Variants in ZNF713 observed in about 807,000 individuals in gnomAD.
The protein encoded by ZNF713 is zinc finger protein 713.
Under a neutral mutation model 28.7 loss-of-function variants are expected in ZNF713, and 21 were observed. The ratio of observed to expected loss-of-function variants is 0.73; its 90% confidence interval spans 0.52 to 1.05. The LOEUF (loss-of-function observed/expected upper bound fraction) is 1.05. ZNF713 is among the 50% of genes least tolerant of loss of function. The pLI is 0.00. For missense variants in ZNF713, 458 were observed against 532.4 expected (o/e 0.86, Z 1.37); for synonymous variants, 167 against 178.0 (o/e 0.94, Z 0.49).
At chr7:55,925,431 G>A (rs1584314461) in intron 6 of ZNF713, among the ~76,000 whole-genome samples, 1 of 152,168 alleles carries the variant, frequency 6.6e-6, no homozygotes. Context: ...GACCATCCTG[G>A]CCAACATGGT....
intron 4 of ZNF713, 113 bp from the exon 5 acceptor site, chr7:55,923,049 G>A: frequency 1.6e-6 from 2 of 1,223,518 alleles, no homozygotes; most frequent in South Asian, 5.5e-5. Context: ...TCAGAGTCCT[G>A]AAGACTATCA....
At chr7:55,921,187 G>GAA (rs547380960) in intron 4 of ZNF713, among the ~76,000 whole-genome samples, 1 of 144,324 alleles carries the variant, frequency 6.9e-6, no homozygotes, top group Non-Finnish European at 1.5e-5. Context: ...CACTGCTCAG[G>GAA]AAAAAAAAAA....
At chr7:55,904,753 G>T (rs1382860346) in intron 1 of ZNF713, among the ~76,000 whole-genome samples, 5 of 151,994 alleles carry the variant, frequency 3.3e-5, no homozygotes, top group African/African-American at 1.2e-4. Context: ...TTTTGAGACG[G>T]TCTCACTCTG....
intron 6 of ZNF713, among the ~76,000 whole-genome samples, chr7:55,925,972 C>T (rs1047914806): frequency 2.6e-5 from 4 of 152,068 alleles, no homozygotes; most frequent in African/African-American, 4.8e-5. Context: ...CCTATTGTGT[C>T]CCTCTACACA....
intron 4 of ZNF713, among the ~76,000 whole-genome samples, chr7:55,919,311 C>G (rs1562743400): frequency 6.6e-6 from 1 of 152,088 alleles, no homozygotes; most frequent in Non-Finnish European, 1.5e-5. Flanking sequence ...TCAGAAGGAT[C>G]CAGGGCAATG....
chr7:55,916,246 C>T (rs1312436583), intron 4 of ZNF713, among the ~76,000 whole-genome samples: 2 of 152,220 alleles, frequency 1.3e-5, no homozygotes, highest in African/African-American at 4.8e-5. Flanking sequence ...TGTTACCTGT[C>T]GAATTTCATC....
intron 6 of ZNF713, among the ~76,000 whole-genome samples, chr7:55,931,155 G>A (rs1473949482): frequency 2.6e-5 from 4 of 151,920 alleles, no homozygotes; most frequent in South Asian, 2.1e-4. Flanking sequence ...GCATGGTGGC[G>A]GGCGCCTGTA....
intron 4 of ZNF713, among the ~76,000 whole-genome samples, chr7:55,913,531 G>A (rs778253125): frequency 5.3e-5 from 8 of 151,990 alleles, no homozygotes; most frequent in African/African-American, 9.7e-5. Context: ...AATCTGATTC[G>A]GTATTATGTA....
chr7:55,900,776 A>C (rs112487572), intron 1 of ZNF713, among the ~76,000 whole-genome samples: 6,198 of 152,294 alleles, frequency 0.041, 155 homozygotes, highest in Admixed American at 0.059. Context: ...GATCTATTAC[A>C]CAGAATGATG....
intron 5 of ZNF713, 36 bp downstream of exon 5, chr7:55,923,324 C>CCGGTTTATAAATAA (rs1279240564): frequency 6.3e-7 from 1 of 1,581,778 alleles, no homozygotes; most frequent in Admixed American, 1.9e-5. Flanking sequence ...GGAAGCCGTT[C>CCGGTTTATAAATAA]ACGTGGGTTT....
At chr7:55,923,569 G>A (rs1232014847) in intron 5 of ZNF713, 38 bp from the exon 6 acceptor site, 1 of 1,531,086 alleles carries the variant, frequency 6.5e-7, no homozygotes, top group South Asian at 1.2e-5. Flanking sequence ...TTTGTTCCCA[G>A]TACAAACTCC....
chr7:55,897,021 T>A lies in ZNF713; in HGVS notation c.-582-9232T>A, dbSNP rs1229624672. Among the ~76,000 whole-genome samples the A allele has an allele frequency of 5.3e-5, 8 of 152,088 alleles. 1 individual carries two copies. Among genetic ancestry groups the A allele is most frequent in the Non-Finnish European group, 1.2e-4 (8 of 68,016 alleles). On this transcript the variant is annotated intron_variant, in intron 1 of 6. Coordinates refer to ENST00000429591, the MANE Select transcript of ZNF713 (RefSeq NM_182633.3). ...ACTCATAGAATAAAATAAGTATCCA[T>A]GAGTCTCTATAGATATAAGCAAATA...
chr7:55,900,955 G>A (rs1033786416), intron 1 of ZNF713, among the ~76,000 whole-genome samples: 5 of 152,264 alleles, frequency 3.3e-5, no homozygotes, highest in African/African-American at 7.2e-5. Context: ...ACAGGCATGA[G>A]CCACTGCGTC....
chr7:55,893,262 T>TA (rs1202549886), intron 1 of ZNF713, among the ~76,000 whole-genome samples: 1 of 152,118 alleles, frequency 6.6e-6, no homozygotes, highest in Non-Finnish European at 1.5e-5. Flanking sequence ...AACATAAACA[T>TA]ACAGTTTATG....
At chr7:55,920,455 C>T (rs1177810559) in intron 4 of ZNF713, among the ~76,000 whole-genome samples, 1 of 152,218 alleles carries the variant, frequency 6.6e-6, no homozygotes, top group Admixed American at 6.5e-5. Context: ...TCAAACCAGC[C>T]ACAACATTCC....
chr7:55,919,379 T>G lies in ZNF713; in HGVS notation c.88-3783T>G, dbSNP rs537832294. Among the ~76,000 whole-genome samples the G allele has an allele frequency of 2.0e-5, 3 of 151,822 alleles. No individual in the cohort carries two copies. The South Asian group carries it at 6.3e-4, about 32-fold the overall frequency. ...GTTTCTAAGAATGGTTAAGGTGATG[T>G]GCCAATGCAGTCTCACAGGGAACCC... On this transcript the variant is annotated intron_variant, in intron 4 of 6. Coordinates refer to ENST00000429591, the MANE Select transcript of ZNF713 (RefSeq NM_182633.3).
At chr7:55,909,173 T>C (rs1785738718) in intron 2 of ZNF713, among the ~76,000 whole-genome samples, 1 of 130,530 alleles carries the variant, frequency 7.7e-6, no homozygotes, top group African/African-American at 3.0e-5. Flanking sequence ...CACTCCAGCC[T>C]GGTCAACAGA....
chr7:55,907,167 G>C (rs1785694698), intron 2 of ZNF713, among the ~76,000 whole-genome samples: 1 of 152,138 alleles, frequency 6.6e-6, no homozygotes, highest in Non-Finnish European at 1.5e-5. Context: ...TTTTTGCTGA[G>C]AAAAATGTAA....
chr7:55,901,559 A>G (rs1785578839), intron 1 of ZNF713, among the ~76,000 whole-genome samples: 1 of 152,220 alleles, frequency 6.6e-6, no homozygotes, highest in Non-Finnish European at 1.5e-5. Context: ...TAGTAGTTTA[A>G]TCAATCTTGA....
Sources: gnomAD v4.1 joint callset for allele counts (sites outside exome capture counted in the v4.1 genomes callset) on GRCh38, gnomAD v4.1.1 for gene constraint, MANE v1.5 for transcripts, NCBI Gene and HGNC (gene_info 2026-07-23, HGNC 2026-07-21) for gene names.